The following MEIS1 variants were observed in gnomAD, a reference collection of about 807,000 sequenced individuals.
MEIS1 encodes the protein Meis homeobox 1, also known as homeobox protein Meis1.
Under a neutral mutation model 50.8 loss-of-function variants are expected in MEIS1, and 5 were observed. That is an observed-to-expected ratio of 0.10 (90% CI 0.05 to 0.21). The LOEUF is 0.21. Among genes scored for constraint, MEIS1 ranks in the 10% least tolerant of loss-of-function variants. MEIS1 has a pLI of 1.00. For missense variants in MEIS1, 318 were observed against 517.3 expected (o/e 0.61, Z 3.74); for synonymous variants, 176 against 179.3 (o/e 0.98, Z 0.15).
At chr2:66,463,610 G>A (rs566518065) in intron 6 of MEIS1, among the ~76,000 whole-genome samples, 2 of 152,114 alleles carry the variant, frequency 1.3e-5, no homozygotes, top group East Asian at 1.9e-4. Flanking sequence ...TGTACCATCC[G>A]GCAAACAGCT....
At chr2:66,548,204 T>C (rs1033552658) in intron 9 of MEIS1, among the ~76,000 whole-genome samples, 185 bp downstream of exon 9, 8 of 152,204 alleles carry the variant, frequency 5.3e-5, no homozygotes, top group African/African-American at 1.9e-4. Flanking sequence ...AAATAAAACA[T>C]TGTATTGTCT....
rs116501303 is a variant in MEIS1, at chr2:66,450,420, A to G, written c.630+7372A>G. On this transcript the variant is annotated intron_variant, in intron 6 of 12. Coordinates refer to ENST00000272369, the MANE Select transcript of MEIS1 (RefSeq NM_002398.3). ...CTGAGGAGCTGCCAGCTTGGGCAATATAACAAGACCCTGTCTCAAAAACAA... is the reference window on the plus strand; with the variant it reads ...CTGAGGAGCTGCCAGCTTGGGCAATGTAACAAGACCCTGTCTCAAAAACAA... Among the ~76,000 whole-genome samples the G allele has an allele frequency of 4.6e-3, 705 of 152,272 alleles. 7 individuals are homozygous for G. Among genetic ancestry groups the G allele is most frequent in the African/African-American group, 0.016 (677 of 41,546 alleles).
At chr2:66,452,486 T>G (rs190482702) in intron 6 of MEIS1, among the ~76,000 whole-genome samples, 1 of 152,014 alleles carries the variant, frequency 6.6e-6, no homozygotes, top group African/African-American at 2.4e-5. Flanking sequence ...TATTATCTCT[T>G]ATAGAGTCAT....
At chr2:66,440,068 A>AACGCACACACACACACAC (rs1671924105) in intron 3 of MEIS1, 84 bp downstream of exon 3, 1 of 721,088 alleles carries the variant, frequency 1.4e-6, no homozygotes, top group African/African-American at 1.9e-5. Flanking sequence ...CGCGCGCGCG[A>AACGCACACACACACACAC]ACACACACAC....
rs775856382 is a variant in MEIS1, at chr2:66,571,395, C to T, written c.*187C>T. 2 of 1,604,854 alleles carry T rather than the reference C, an allele frequency of 1.2e-6. No individual in the cohort carries two copies. ...CATGCATACGTACATTCCTGGACACCCTCACCACCCAACAGTGATGATGCA... is the reference window on the plus strand; with the variant it reads ...CATGCATACGTACATTCCTGGACACTCTCACCACCCAACAGTGATGATGCA... On this transcript the variant is annotated 3_prime_UTR_variant, in exon 13 of 13. Coordinates refer to ENST00000272369, the MANE Select transcript of MEIS1 (RefSeq NM_002398.3).
chr2:66,498,510 G>A (rs904994525), intron 7 of MEIS1, among the ~76,000 whole-genome samples: 4 of 152,176 alleles, frequency 2.6e-5, no homozygotes, highest in Admixed American at 6.5e-5. Context: ...AGGAGATAAA[G>A]GGGAGAGAGG....
chr2:66,457,851 C>T (rs1672429426), intron 6 of MEIS1, among the ~76,000 whole-genome samples: 1 of 152,230 alleles, frequency 6.6e-6, no homozygotes, highest in South Asian at 2.1e-4. Context: ...GTGCCTTCTC[C>T]ATGCGGACCT....
At chr2:66,452,577 G>T (rs1419745828) in intron 6 of MEIS1, among the ~76,000 whole-genome samples, 1 of 151,856 alleles carries the variant, frequency 6.6e-6, no homozygotes, top group Non-Finnish European at 1.5e-5. Flanking sequence ...CTTGGCTCTA[G>T]CTTCTAACAA....
At chr2:66,531,626 A>G (rs1208943999) in intron 8 of MEIS1, among the ~76,000 whole-genome samples, 1 of 152,214 alleles carries the variant, frequency 6.6e-6, no homozygotes, top group African/African-American at 2.4e-5. Flanking sequence ...TACACAACGC[A>G]TAAAGGCGAG....
At chr2:66,541,658 C>T (rs1674655839) in intron 8 of MEIS1, among the ~76,000 whole-genome samples, 1 of 152,162 alleles carries the variant, frequency 6.6e-6, no homozygotes, top group Admixed American at 6.5e-5. Context: ...AGCAACTAGG[C>T]AATATAGGAG....
chr2:66,552,292 T>C (rs889201838), intron 9 of MEIS1, among the ~76,000 whole-genome samples: 2 of 152,234 alleles, frequency 1.3e-5, no homozygotes, highest in African/African-American at 2.4e-5. Flanking sequence ...GAATACATTT[T>C]ACAGTTTCTT....
At position 66,569,137 on chromosome 2, in the gene MEIS1, A is replaced by T. The variant is rs1237580077; in HGVS notation, c.*29A>T. 6.2e-7 allele frequency: 1 copy of T among 1,610,932 alleles called. No individual in the cohort carries two copies. Among genetic ancestry groups the T allele is most frequent in the East Asian group, 2.2e-5 (1 of 44,846 alleles). ...TCATCTAGTTAACCAATCGCAAAGC[A>T]AGGGGGAAGTAAGTACAAATGGGGT... On this transcript the variant is annotated 3_prime_UTR_variant, in exon 12 of 13. Transcript: ENST00000272369.
chr2:66,484,986 G>A (rs529101566), intron 7 of MEIS1, among the ~76,000 whole-genome samples: 45 of 152,240 alleles, frequency 3.0e-4, no homozygotes, highest in African/African-American at 1.0e-3. Context: ...TATAGGACGA[G>A]ATTTTTTTTG....
rs200967798 is a variant in MEIS1 at position 66,571,495 on chromosome 2, T to C, written c.*287T>C. The C allele has an allele frequency of 1.9e-3, 3,022 of 1,582,702 alleles. 24 individuals are homozygous for C. The highest frequency in any genetic ancestry group is 1.6e-3 in the Non-Finnish European group (1,870 of 1,164,904). On this transcript the variant is annotated 3_prime_UTR_variant, in exon 13 of 13. Coordinates refer to ENST00000272369, the MANE Select transcript of MEIS1 (RefSeq NM_002398.3). ...GTTCTTAATACAGGAGACCCAACAA[T>C]GAGTGGACAAGTCATGGACATTCAT... is the stretch of plus-strand genomic sequence containing the variant.
intron 7 of MEIS1, chr2:66,509,047 T>TA (rs1673758412): frequency 2.1e-6 from 1 of 471,124 alleles, no homozygotes; most frequent in Admixed American, 2.4e-5. Flanking sequence ...ATCTCAAAAG[T>TA]AAAAAAGGAA....
intron 7 of MEIS1, among the ~76,000 whole-genome samples, chr2:66,498,977 G>A (rs1399855079): frequency 2.0e-5 from 3 of 152,128 alleles, no homozygotes; most frequent in East Asian, 3.9e-4. Context: ...TCTTTACTGT[G>A]CCCACCAAAG....
intron 7 of MEIS1, among the ~76,000 whole-genome samples, chr2:66,484,443 AT>A (rs1381491052): frequency 6.6e-6 from 1 of 152,180 alleles, no homozygotes; most frequent in African/African-American, 2.4e-5. Flanking sequence ...AATTTTTTAT[AT>A]TAGCTGCAAG....
intron 7 of MEIS1, among the ~76,000 whole-genome samples, chr2:66,500,321 T>C (rs1018076468): frequency 8.5e-5 from 13 of 152,220 alleles, no homozygotes; most frequent in Admixed American, 7.9e-4. Context: ...GAGTGCAGTG[T>C]AGGCATCAGG....
chr2:66,505,873 C>T (rs2103840394), intron 7 of MEIS1, among the ~76,000 whole-genome samples: 1 of 152,256 alleles, frequency 6.6e-6, no homozygotes, highest in South Asian at 2.1e-4. Context: ...AGAAATATCC[C>T]AGCTCTGAGA....
Sources: allele counts gnomAD v4.1 joint callset (sites outside exome capture counted in the v4.1 genomes callset), GRCh38; gene constraint gnomAD v4.1.1; transcripts MANE v1.5; gene names NCBI Gene and HGNC (gene_info 2026-07-23, HGNC 2026-07-21).